The following NFIB variants were observed in gnomAD, a reference collection of about 807,000 sequenced individuals.
The protein encoded by NFIB is nuclear factor 1 B-type.
Under a neutral mutation model 61.5 loss-of-function variants are expected in NFIB, and 11 were observed. The observed-to-expected ratio is 0.18, with a 90% CI of 0.11 to 0.30. The LOEUF (loss-of-function observed/expected upper bound fraction) is 0.30. Ranked by LOEUF, NFIB falls within the 10% of genes least tolerant of loss-of-function variation. The probability of loss-of-function intolerance (pLI) is 1.00; values close to 1 mark genes in which losing one functional copy is unlikely to be tolerated. For synonymous variants in NFIB, 260 were observed against 216.5 expected (o/e 1.20, Z -1.76); for missense variants, 471 against 608.9 (o/e 0.77, Z 2.38).
chr9:14,140,310 T>A (rs2041539806), intron 6 of NFIB, among the ~76,000 whole-genome samples: 1 of 152,166 alleles, frequency 6.6e-6, no homozygotes, highest in African/African-American at 2.4e-5. Flanking sequence ...TTCACTCAGC[T>A]CCCACAGCTC....
chr9:14,140,159 G>A (rs1240890705), intron 6 of NFIB, among the ~76,000 whole-genome samples: 1 of 152,142 alleles, frequency 6.6e-6, no homozygotes, highest in Non-Finnish European at 1.5e-5. Flanking sequence ...AATTGTTGGT[G>A]TTCTATTTGG....
chr9:14,371,102 C>A (rs1214055656), intron 1 of NFIB, among the ~76,000 whole-genome samples: 7 of 152,018 alleles, frequency 4.6e-5, no homozygotes, highest in East Asian at 3.9e-4. Context: ...CTCAAAAAAA[C>A]CAAACCAAAA....
At chr9:14,351,725 C>G (rs2061115255) in intron 1 of NFIB, among the ~76,000 whole-genome samples, 1 of 152,212 alleles carries the variant, frequency 6.6e-6, no homozygotes, top group Non-Finnish European at 1.5e-5. Flanking sequence ...AAGACTGTGA[C>G]TGAATTTTAG....
chr9:14,344,488 C>T (rs1418843456), intron 1 of NFIB, among the ~76,000 whole-genome samples: 1 of 152,096 alleles, frequency 6.6e-6, no homozygotes, highest in East Asian at 1.9e-4. Flanking sequence ...AGTTAGTTTG[C>T]TTCTTTCCCA....
the NFIB span, among the ~76,000 whole-genome samples, chr9:14,418,809 G>A: frequency 3.3e-5 from 5 of 152,246 alleles, no homozygotes; most frequent in Non-Finnish European, 7.4e-5. Context: ...ATTTAGGCTT[G>A]CACAATTATT....
chr9:14,342,542 A>G (rs1358140960), intron 1 of NFIB, among the ~76,000 whole-genome samples: 1 of 151,910 alleles, frequency 6.6e-6, no homozygotes, highest in Non-Finnish European at 1.5e-5. Flanking sequence ...GAGGGAAGGA[A>G]GGCTCGTTTA....
intron 3 of NFIB, among the ~76,000 whole-genome samples, chr9:14,173,426 T>C (rs531277815): frequency 3.4e-4 from 52 of 152,178 alleles, no homozygotes; most frequent in Non-Finnish European, 6.5e-4. Flanking sequence ...TAAATACATA[T>C]GTAATATACA....
the NFIB span, among the ~76,000 whole-genome samples, chr9:14,496,520 G>A: frequency 6.6e-6 from 1 of 152,328 alleles, no homozygotes; most frequent in South Asian, 2.1e-4. Flanking sequence ...GCCTTCAGCA[G>A]AAGTGAACCT....
At chr9:14,421,105 A>T in the NFIB span, among the ~76,000 whole-genome samples, 74 of 148,882 alleles carry the variant, frequency 5.0e-4, no homozygotes, top group South Asian at 1.1e-3. Flanking sequence ...AAAATAAGGC[A>T]TGTATACCAT....
chr9:14,452,102 T>A, the NFIB span, among the ~76,000 whole-genome samples: 1 of 152,160 alleles, frequency 6.6e-6, no homozygotes, highest in Non-Finnish European at 1.5e-5. Context: ...CCAGCAGCAA[T>A]TTGCATTTCT....
chr9:14,220,842 T>TACACACACACACACACACACACACACAC (rs138623129), intron 2 of NFIB, among the ~76,000 whole-genome samples: 1 of 123,020 alleles, frequency 8.1e-6, no homozygotes, highest in East Asian at 2.8e-4. Context: ...TCAATCTCCC[T>TACACACACACACACACACACACACACAC]ACACACACAC....
chr9:14,149,716 G>C (rs936139416), intron 5 of NFIB, among the ~76,000 whole-genome samples: 4 of 152,086 alleles, frequency 2.6e-5, no homozygotes, highest in Admixed American at 1.3e-4. Flanking sequence ...TTTAAGGCTA[G>C]GTAAATGACA....
At chr9:14,144,253 C>T (rs1237100006) in intron 6 of NFIB, among the ~76,000 whole-genome samples, 1 of 152,022 alleles carries the variant, frequency 6.6e-6, no homozygotes, top group Non-Finnish European at 1.5e-5. Context: ...AAAGAGGAAT[C>T]AATTCTTACA....
the NFIB span, among the ~76,000 whole-genome samples, chr9:14,464,503 C>A: frequency 6.6e-6 from 1 of 151,868 alleles, no homozygotes; most frequent in African/African-American, 2.4e-5. Flanking sequence ...AAAAACAGAA[C>A]CTGAAGTGTT....
At chr9:14,135,981 T>A (rs1333309134) in intron 6 of NFIB, among the ~76,000 whole-genome samples, 2 of 152,180 alleles carry the variant, frequency 1.3e-5, no homozygotes, top group Non-Finnish European at 2.9e-5. Context: ...CAAGCACGGT[T>A]AAGTAGCATG....
chr9:14,238,473 T>C (rs1418347198), intron 2 of NFIB, among the ~76,000 whole-genome samples: 1 of 152,228 alleles, frequency 6.6e-6, no homozygotes. Context: ...AAAGTATATG[T>C]GCACAAACAG....
chr9:14,365,338 G>C (rs1161393435), intron 1 of NFIB, among the ~76,000 whole-genome samples: 2 of 152,192 alleles, frequency 1.3e-5, no homozygotes, highest in Non-Finnish European at 2.9e-5. Context: ...TTGGACCCCA[G>C]TCCAATTTTG....
the NFIB span, among the ~76,000 whole-genome samples, chr9:14,427,941 T>TTTTTTTTG: frequency 7.0e-4 from 54 of 76,730 alleles, 3 homozygotes; most frequent in African/African-American, 3.7e-3. Context: ...TCAGTTGTTT[T>TTTTTTTTG]TTTTTTTTTT....
intron 1 of NFIB, among the ~76,000 whole-genome samples, chr9:14,312,054 G>A (rs2060304583): frequency 6.6e-6 from 1 of 152,064 alleles, no homozygotes; most frequent in South Asian, 2.1e-4. Context: ...TTCCAGTTTT[G>A]TTAAATTAAA....
Sources: gnomAD v4.1 joint callset for allele counts (sites outside exome capture counted in the v4.1 genomes callset) on GRCh38, gnomAD v4.1.1 for gene constraint, MANE v1.5 for transcripts, NCBI Gene and HGNC (gene_info 2026-07-23, HGNC 2026-07-21) for gene names.